The following ARFRP1 variants were observed in gnomAD, a reference collection of about 807,000 sequenced individuals.
ARFRP1 encodes ARF related protein 1.
ARFRP1 carries 19 observed loss-of-function variants against 30.3 expected under a neutral mutation model. The ratio of observed to expected loss-of-function variants is 0.63; its 90% CI spans 0.44 to 0.92. The LOEUF is 0.92. ARFRP1 is among the 40% of genes least tolerant of loss of function. ARFRP1 has a pLI of 0.00. For synonymous variants in ARFRP1, 133 were observed against 114.2 expected, an observed-to-expected ratio of 1.16 and a Z score of -1.05; for missense variants, 245 against 267.5, an observed-to-expected ratio of 0.92 and a Z score of 0.59.
At chr20:63,701,622 G>A (rs1214024412) in intron 6 of ARFRP1, 7 of 602,342 alleles carry the variant, frequency 1.2e-5, no homozygotes, top group Non-Finnish European at 2.1e-5. Context: ...CCTGCCCTGA[G>A]GTGGGAGAAC....
At chr20:63,700,863 C>T (rs1298026875) in intron 6 of ARFRP1, 161 bp from the exon 7 acceptor site, 6 of 971,474 alleles carry the variant, frequency 6.2e-6, no homozygotes, top group Non-Finnish European at 9.0e-6. Flanking sequence ...AGTGAGGACC[C>T]TGTGCTCAGC....
At chr20:63,701,998 G>GGGCCCCCCC in intron 5 of ARFRP1, 98 bp from the exon 6 acceptor site, 1 of 583,908 alleles carries the variant, frequency 1.7e-6, no homozygotes, top group Non-Finnish European at 2.6e-6. Flanking sequence ...CACTCCCTCT[G>GGGCCCCCCC]CCCCCCCCCC....
Position 63,700,628 on chromosome 20 carries a change from C to T in ARFRP1, c.492G>A (p.Leu164=). 1.9e-6 allele frequency: 3 copies of T among 1,610,780 alleles called. No homozygotes were observed. Among genetic ancestry groups the T allele is most frequent in the Non-Finnish European group, 2.5e-6 (3 of 1,179,832 alleles). The change falls in exon 7 of 8, where the codon CTG becomes CTA. Residue 164 remains leucine (L), a synonymous_variant. Coordinates refer to ENST00000622789, the MANE Select transcript of ARFRP1 (RefSeq NM_001267547.3). The part of the protein sequence containing the change: ...CTSKIGRRDC[L]TQACSALTGK... ...CTGTGAGGGCCGAGCAGGCCTGGGT[C>T]AGGCAATCTCGCCTGCCGATCTTGC...
Position 63,700,663 on chromosome 20 carries a change from C to A in ARFRP1, c.457G>T (p.Asp153Tyr). ...SIPDIKTAFS[D>Y]CTSKIGRRDC... Reference sequence around the variant, plus strand: ...CGCCTGCCGATCTTGCTGGTGCAGTCGCTGAAGGCCGTCTTGATGTCAGGG... The same window carrying A: ...CGCCTGCCGATCTTGCTGGTGCAGTAGCTGAAGGCCGTCTTGATGTCAGGG... The change falls in exon 7 of 8, where the codon GAC becomes TAC. Residue 153 changes from aspartate to tyrosine, a missense_variant. Transcript: ENST00000622789. 1.2e-6 allele frequency: 2 copies of A among 1,610,910 alleles called. No homozygotes were observed. The highest frequency in any genetic ancestry group is 2.2e-5 in the South Asian group (2 of 90,950).
At chr20:63,706,855 T>C in intron 2 of ARFRP1, 117 bp from the exon 3 acceptor site, 1 of 1,265,284 alleles carries the variant, frequency 7.9e-7, no homozygotes, top group South Asian at 1.2e-5. Flanking sequence ...CACTCTGCTC[T>C]TCAGGAGGCT....
intron 6 of ARFRP1, 162 bp from the exon 7 acceptor site, chr20:63,700,864 T>A: frequency 1.0e-6 from 1 of 970,302 alleles, no homozygotes; most frequent in Non-Finnish European, 1.5e-6. Context: ...GTGAGGACCC[T>A]GTGCTCAGCC....
chr20:63,699,983 CCGGGGTCA>C lies in ARFRP1; in HGVS notation c.*452_*459del, dbSNP rs1361988580. 0.2 allele frequency: 47,124 copies of C among 231,740 alleles called. 6,385 individuals are homozygous for C. Among genetic ancestry groups the C allele is most frequent in the East Asian group, 0.63 (5,561 of 8,896 alleles). The allele number at this position is 231,740 out of a possible 1,614,324, so 14.4% of individuals were successfully genotyped here. A position where few individuals can be genotyped will look rare whatever the true frequency, so the allele number is the denominator to read the frequency against. ...AGGCAAGATCAGCCCCAGACCACTT[CCGGGGTCA>C]CGGGGTCACGGGGTCACAGGGCAGA... On this transcript the variant is annotated 3_prime_UTR_variant, in exon 8 of 8. Transcript: ENST00000622789.
chr20:63,704,365 C>T (rs1178513441), intron 4 of ARFRP1: 2 of 152,294 alleles, frequency 1.3e-5, no homozygotes, highest in South Asian at 4.1e-4. Context: ...GAATGACGAG[C>T]CACAGCTGCC....
intron 6 of ARFRP1, 108 bp downstream of exon 6, chr20:63,701,722 C>A (rs1021127688): frequency 2.9e-6 from 3 of 1,040,946 alleles, no homozygotes; most frequent in African/African-American, 1.6e-5. Context: ...CTCTGTACCC[C>A]CTGGGCAGTC....
chr20:63,701,998 G>GGGGCCCCC, intron 5 of ARFRP1, 98 bp from the exon 6 acceptor site: 1 of 583,916 alleles, frequency 1.7e-6, no homozygotes, highest in Non-Finnish European at 2.6e-6. Context: ...CACTCCCTCT[G>GGGGCCCCC]CCCCCCCCCC....
intron 5 of ARFRP1, 88 bp downstream of exon 5, chr20:63,702,048 C>T: frequency 1.6e-6 from 2 of 1,221,604 alleles, no homozygotes; most frequent in Non-Finnish European, 2.3e-6. Flanking sequence ...TGACCAGACA[C>T]TGAGCCTGCC....
At chr20:63,701,672 C>T (rs2091211259) in intron 6 of ARFRP1, 158 bp downstream of exon 6, 2 of 692,478 alleles carry the variant, frequency 2.9e-6, no homozygotes, top group South Asian at 1.8e-5. Context: ...AGGAACCAGG[C>T]TTGGGAAGCT....
chr20:63,701,998 G>GGGGGGGCCCCC, intron 5 of ARFRP1, 98 bp from the exon 6 acceptor site: 1 of 583,914 alleles, frequency 1.7e-6, no homozygotes, highest in Non-Finnish European at 2.6e-6. Flanking sequence ...CACTCCCTCT[G>GGGGGGGCCCCC]CCCCCCCCCC....
chr20:63,706,208 G>C, intron 4 of ARFRP1, 149 bp downstream of exon 4: 1 of 739,418 alleles, frequency 1.4e-6, no homozygotes, highest in Non-Finnish European at 2.3e-6. Context: ...AAAACAGGGA[G>C]CCACTCGGGA....
chr20:63,705,933 A>G (rs1191784512), intron 4 of ARFRP1: 3 of 350,726 alleles, frequency 8.6e-6, no homozygotes, highest in East Asian at 7.5e-5. Context: ...GTTTCAAAAC[A>G]TTGAAAGAAA....
rs1445284603 is a variant in ARFRP1, at chr20:63,700,327, T to C, written c.*116A>G. 2.8e-6 allele frequency: 4 copies of C among 1,427,280 alleles called. No homozygotes were observed. The highest frequency in any genetic ancestry group is 2.9e-5 in the African/African-American group (2 of 69,884). 88.4% of individuals were successfully genotyped at this position (1,427,280 alleles called of 1,614,324 possible). ...TTTGTCTTCGAGAAAACAAAGTAAA[T>C]AGAAGAACCCCAAAGCAAAGCAAAC... On this transcript the variant is annotated 3_prime_UTR_variant, in exon 8 of 8. Transcript: ENST00000622789.
rs367672959 is a variant in ARFRP1 at position 63,706,928 on chromosome 20, C to G, written c.93+71G>C. 1,502 of 1,565,058 alleles carry G rather than the reference C, an allele frequency of 9.6e-4. 34 individuals carry two copies. In the South Asian group the frequency reaches 0.016, roughly 17 times the overall value. ...TTCCGTCTGGGTAGTGAACGTGCAG[C>G]TGACAGCACAAAACCGAAGGGGGCG... On this transcript the variant is annotated intron_variant, in intron 2 of 7. Transcript: ENST00000622789.
At chr20:63,705,599 T>C (rs757364894) in intron 4 of ARFRP1, 5 of 520,612 alleles carry the variant, frequency 9.6e-6, no homozygotes, top group Non-Finnish European at 2.0e-5. Flanking sequence ...CTGGTGATCA[T>C]GGAAGAACAA....
At chr20:63,706,831 C>T in intron 2 of ARFRP1, 93 bp from the exon 3 acceptor site, 6 of 1,311,860 alleles carry the variant, frequency 4.6e-6, no homozygotes, top group Non-Finnish European at 6.6e-6. Flanking sequence ...AAGACAGAAA[C>T]AGAAACAGAG....
Sources: allele counts gnomAD v4.1 joint callset, GRCh38; gene constraint gnomAD v4.1.1; transcripts MANE v1.5; gene names NCBI Gene and HGNC (gene_info 2026-07-23, HGNC 2026-07-21).